Variants in FAM13A observed in about 807,000 individuals in gnomAD.
FAM13A encodes the protein family with sequence similarity 13 member A.
Under a neutral mutation model 129.6 loss-of-function variants are expected in FAM13A, and 76 were observed. That is an observed-to-expected ratio of 0.59 (90% CI 0.49 to 0.71). The LOEUF (loss-of-function observed/expected upper bound fraction) is 0.71. FAM13A is among the 30% of genes least tolerant of loss of function. FAM13A has a pLI of 0.00. For synonymous variants in FAM13A, 443 were observed against 449.9 expected, an observed-to-expected ratio of 0.98 and a Z score of 0.20; for missense variants, 1,108 against 1,249.3, an observed-to-expected ratio of 0.89 and a Z score of 1.70.
At chr4:88,949,214 A>T (rs1366835349) in intron 4 of FAM13A, among the ~76,000 whole-genome samples, 1 of 152,234 alleles carries the variant, frequency 6.6e-6, no homozygotes, top group Non-Finnish European at 1.5e-5. Flanking sequence ...GTAAATAAAG[A>T]GCAATAAGAT....
At chr4:89,009,606 T>A (rs889330784) in intron 3 of FAM13A, among the ~76,000 whole-genome samples, 3 of 152,206 alleles carry the variant, frequency 2.0e-5, no homozygotes, top group African/African-American at 7.2e-5. Flanking sequence ...GTTAATTTGG[T>A]AGTCAGAGTT....
intron 9 of FAM13A, among the ~76,000 whole-genome samples, chr4:88,788,897 T>C (rs1263416181): frequency 6.6e-6 from 1 of 152,158 alleles, no homozygotes. Flanking sequence ...AATCGACTCA[T>C]AGTTATTCAA....
At chr4:89,035,680 T>G (rs1454175439) in intron 1 of FAM13A, among the ~76,000 whole-genome samples, 1 of 152,142 alleles carries the variant, frequency 6.6e-6, no homozygotes, top group Non-Finnish European at 1.5e-5. Context: ...ATTTCTCCCT[T>G]GCTGTTCTTG....
chr4:88,860,933 A>G (rs889896652), intron 6 of FAM13A, among the ~76,000 whole-genome samples: 1 of 152,164 alleles, frequency 6.6e-6, no homozygotes, highest in African/African-American at 2.4e-5. Flanking sequence ...AACTAAAGCC[A>G]TTTCTGTTGT....
chr4:89,019,780 A>AAAAAAAAG (rs1560825278), intron 3 of FAM13A, among the ~76,000 whole-genome samples: 1 of 151,188 alleles, frequency 6.6e-6, no homozygotes, highest in Non-Finnish European at 1.5e-5. Flanking sequence ...AAAAAAAAAA[A>AAAAAAAAG]AGCAAGTTCT....
chr4:89,028,923 A>G (rs1319366731), intron 2 of FAM13A, among the ~76,000 whole-genome samples: 1 of 150,680 alleles, frequency 6.6e-6, no homozygotes, highest in Non-Finnish European at 1.5e-5. Context: ...TGTATAATGT[A>G]CTATATTATT....
At chr4:88,832,766 T>A (rs903526424) in intron 7 of FAM13A, among the ~76,000 whole-genome samples, 15 of 152,150 alleles carry the variant, frequency 9.9e-5, no homozygotes, top group Admixed American at 9.2e-4. Context: ...AAAGGAACAC[T>A]TTTACACTGT....
At chr4:88,756,242 T>C (rs1381306602) in intron 14 of FAM13A, among the ~76,000 whole-genome samples, 1 of 152,222 alleles carries the variant, frequency 6.6e-6, no homozygotes, top group Non-Finnish European at 1.5e-5. Flanking sequence ...TGCTTAGTAT[T>C]TGCCAATAAG....
rs187498766 is a variant in FAM13A at position 88,851,210 on chromosome 4, G to A, written c.844-27C>T. 164 of 1,521,644 alleles carry A rather than the reference G, an allele frequency of 1.1e-4. 1 individual carries two copies. The South Asian group carries it at 1.2e-3, about 11-fold the overall frequency. 94.3% of individuals were successfully genotyped at this position (1,521,644 alleles called of 1,614,324 possible). On this transcript the variant is annotated intron_variant, in intron 6 of 23. Transcript: ENST00000264344. ...TAGAAGAAAAAAAAAAGAGGGGTGG[G>A]GGAGAGCTAGATAAATGTTAAAGTC...
At chr4:89,017,817 A>G (rs933122773) in intron 3 of FAM13A, among the ~76,000 whole-genome samples, 3 of 152,190 alleles carry the variant, frequency 2.0e-5, no homozygotes, top group Non-Finnish European at 4.4e-5. Context: ...ATCTTCATAC[A>G]TATCGTGAAA....
chr4:88,896,030 A>G (rs1404863996), intron 6 of FAM13A, among the ~76,000 whole-genome samples: 1 of 147,816 alleles, frequency 6.8e-6, no homozygotes, highest in Non-Finnish European at 1.5e-5. Context: ...CAAATGTCCA[A>G]CAATGATAGA....
At chr4:88,837,632 C>T (rs374353511) in intron 7 of FAM13A, among the ~76,000 whole-genome samples, 2 of 146,724 alleles carry the variant, frequency 1.4e-5, no homozygotes, top group African/African-American at 2.5e-5. Context: ...GCAGGAGAAT[C>T]GCTTGAGCCT....
At chr4:88,945,295 T>A (rs1755476440) in intron 4 of FAM13A, among the ~76,000 whole-genome samples, 1 of 152,128 alleles carries the variant, frequency 6.6e-6, no homozygotes, top group Non-Finnish European at 1.5e-5. Flanking sequence ...AAAGGACAAG[T>A]CTCATGCCTG....
intron 11 of FAM13A, among the ~76,000 whole-genome samples, chr4:88,770,207 C>T (rs989099765): frequency 2.0e-5 from 3 of 152,114 alleles, no homozygotes; most frequent in Non-Finnish European, 2.9e-5. Flanking sequence ...TTAGAAGAGG[C>T]CTTTATAAAA....
chr4:88,895,225 G>A (rs1489868402), intron 6 of FAM13A, among the ~76,000 whole-genome samples: 1 of 151,992 alleles, frequency 6.6e-6, no homozygotes, highest in Non-Finnish European at 1.5e-5. Flanking sequence ...AAACTAGGTT[G>A]ATGCATGGAA....
intron 7 of FAM13A, among the ~76,000 whole-genome samples, chr4:88,814,383 T>C (rs1455042947): frequency 6.6e-6 from 1 of 151,884 alleles, no homozygotes; most frequent in Non-Finnish European, 1.5e-5. Flanking sequence ...AGGAGAACTA[T>C]GAGAGAGACA....
rs1157129021 is a variant in FAM13A, at chr4:88,980,931, G to C, written c.605+10042C>G. 5.3e-5 allele frequency among the ~76,000 whole-genome samples: 8 copies of C among 152,146 alleles called. No homozygotes were observed. The East Asian group carries it at 1.5e-3, about 29-fold the overall frequency. ...AACTTATTGTGTTGTTTTTCTGCAA[G>C]ATTTGAAGACCAATAGCAGTTTTAA... On this transcript the variant is annotated intron_variant, in intron 4 of 23. Coordinates refer to ENST00000264344, the MANE Select transcript of FAM13A (RefSeq NM_014883.4).
intron 10 of FAM13A, among the ~76,000 whole-genome samples, chr4:88,784,645 T>C (rs753771871): frequency 6.6e-6 from 1 of 152,214 alleles, no homozygotes; most frequent in South Asian, 2.1e-4. Flanking sequence ...GATTTTAATA[T>C]AGTCTTTATA....
chr4:89,025,826 T>G (rs550387910), intron 2 of FAM13A, among the ~76,000 whole-genome samples: 12 of 151,954 alleles, frequency 7.9e-5, no homozygotes, highest in Non-Finnish European at 1.6e-4. Flanking sequence ...ACACGAAACA[T>G]CTTAAGAAGA....
Sources: gnomAD v4.1 joint callset for allele counts (sites outside exome capture counted in the v4.1 genomes callset) on GRCh38, gnomAD v4.1.1 for gene constraint, MANE v1.5 for transcripts, NCBI Gene and HGNC (gene_info 2026-07-23, HGNC 2026-07-21) for gene names.